LRSAM1: variants seen among roughly 807,000 people sequenced by gnomAD.
The protein encoded by LRSAM1 is E3 ubiquitin-protein ligase LRSAM1.
Under a neutral mutation model 118.1 loss-of-function variants are expected in LRSAM1, and 96 were observed. The observed-to-expected ratio is 0.81, with a 90% confidence interval of 0.69 to 0.96. The LOEUF (loss-of-function observed/expected upper bound fraction) is 0.96, where lower values mean the gene tolerates loss of function less well. Among genes scored for constraint, LRSAM1 ranks in the 40% least tolerant of loss-of-function variants. LRSAM1 has a pLI of 0.00. For missense variants in LRSAM1, 804 were observed against 915.5 expected (o/e 0.88, Z 1.57); for synonymous variants, 322 against 364.2 (o/e 0.88, Z 1.32).
At chr9:127,455,537 C>A in intron 4 of LRSAM1, 39 bp from the exon 5 acceptor site, 1 of 1,607,730 alleles carries the variant, frequency 6.2e-7, no homozygotes, top group Non-Finnish European at 8.5e-7. Context: ...TAAAAACTGG[C>A]AGGAGGGGAG....
intron 17 of LRSAM1, chr9:127,486,644 A>C (rs1835743622): frequency 6.6e-6 from 1 of 152,328 alleles, no homozygotes; most frequent in Admixed American, 6.5e-5. Flanking sequence ...GCAGGGGTCA[A>C]ACAGACCTGG....
chr9:127,484,952 C>G (rs924229186), intron 16 of LRSAM1, among the ~76,000 whole-genome samples: 1 of 151,760 alleles, frequency 6.6e-6, no homozygotes, highest in Non-Finnish European at 1.5e-5. Context: ...GGATTACAGG[C>G]ACCTGCCACC....
In LRSAM1 at chr9:127,501,101, G is replaced by A. The variant is rs1259749537; in HGVS notation, c.2004G>A (p.Leu668=). 6.2e-7 allele frequency: 1 copy of A among 1,613,880 alleles called. No individual in the cohort carries two copies. ...SVRPSAPPAE[L]EVQASECVVC... ...GGCCATCCGCTCCCCCTGCAGAGCT[G>A]GAGGTGCAGGCCTCAGAGTGTGTCG... Residue 668 remains leucine, a synonymous_variant, in exon 25 of 26, where the codon CTG becomes CTA. Transcript: ENST00000300417.
Position 127,455,631 on chromosome 9 carries a change from G to C in LRSAM1, c.174+11G>C. The C allele has an allele frequency of 1.2e-6, 2 of 1,613,650 alleles. No individual in the cohort carries two copies. ...GTTCTGCAGAAGAAGGTAAGATGGAGCTTCATCTTCAGAGACTTTCTTGTT... is the reference window on the plus strand; with the variant it reads ...GTTCTGCAGAAGAAGGTAAGATGGACCTTCATCTTCAGAGACTTTCTTGTT... On this transcript the variant is annotated intron_variant, in intron 5 of 25. Transcript: ENST00000300417.
chr9:127,500,051 C>T (rs1050092674), intron 24 of LRSAM1, among the ~76,000 whole-genome samples: 1 of 151,674 alleles, frequency 6.6e-6, no homozygotes, highest in Non-Finnish European at 1.5e-5. Context: ...GGGTGGCTCA[C>T]GTTGCATGAT....
chr9:127,490,745 G>C (rs1394689528), intron 19 of LRSAM1, among the ~76,000 whole-genome samples: 1 of 152,196 alleles, frequency 6.6e-6, no homozygotes, highest in Non-Finnish European at 1.5e-5. Flanking sequence ...CATAGTAGGT[G>C]CTCAAGACAT....
intron 21 of LRSAM1, among the ~76,000 whole-genome samples, chr9:127,494,414 G>A (rs528068464): frequency 2.0e-5 from 3 of 152,214 alleles, no homozygotes; most frequent in Non-Finnish European, 4.4e-5. Flanking sequence ...CCCTGGGCAG[G>A]TTACTCATCA....
intron 16 of LRSAM1, among the ~76,000 whole-genome samples, chr9:127,485,449 C>T (rs185845333): frequency 2.5e-4 from 38 of 152,046 alleles, no homozygotes; most frequent in Non-Finnish European, 4.4e-4. Flanking sequence ...CCCAGCTACT[C>T]GGGAGGCTGA....
chr9:127,484,256 T>C (rs1264976172), intron 16 of LRSAM1, among the ~76,000 whole-genome samples: 2 of 135,210 alleles, frequency 1.5e-5, no homozygotes, highest in East Asian at 4.0e-4. Context: ...TGTTTGAATT[T>C]CTTTCCCTTT....
chr9:127,498,032 G>A (rs1836224301), intron 24 of LRSAM1, among the ~76,000 whole-genome samples: 1 of 152,234 alleles, frequency 6.6e-6, no homozygotes, highest in African/African-American at 2.4e-5. Context: ...TGGGGAAGAG[G>A]TGAGGGGCCA....
At chr9:127,500,236 C>G (rs1027445383) in intron 24 of LRSAM1, among the ~76,000 whole-genome samples, 4 of 151,392 alleles carry the variant, frequency 2.6e-5, no homozygotes, top group Non-Finnish European at 5.9e-5. Context: ...TAGTGGGCAC[C>G]TGTAATCCCA....
intron 23 of LRSAM1, 93 bp from the exon 24 acceptor site, chr9:127,497,160 C>T (rs935571011): frequency 1.8e-5 from 23 of 1,296,396 alleles, no homozygotes; most frequent in African/African-American, 1.5e-4. Flanking sequence ...GAGGTGTCGA[C>T]GGTCCTGTGA....
At chr9:127,464,230 G>A (rs995256728) in intron 9 of LRSAM1, among the ~76,000 whole-genome samples, 4 of 152,222 alleles carry the variant, frequency 2.6e-5, no homozygotes, top group South Asian at 4.1e-4. Context: ...AGAAAGGGCC[G>A]GCTGGGGAGA....
intron 6 of LRSAM1, among the ~76,000 whole-genome samples, chr9:127,457,888 G>T (rs1371827971): frequency 1.3e-5 from 2 of 152,076 alleles, no homozygotes; most frequent in Non-Finnish European, 2.9e-5. Flanking sequence ...AGCAGCACAG[G>T]CCCAATCTGT....
intron 23 of LRSAM1, 94 bp from the exon 24 acceptor site, chr9:127,497,159 A>C (rs928239751): frequency 7.7e-7 from 1 of 1,291,484 alleles, no homozygotes; most frequent in Non-Finnish European, 1.1e-6. Flanking sequence ...GGAGGTGTCG[A>C]CGGTCCTGTG....
intron 9 of LRSAM1, 39 bp from the exon 10 acceptor site, chr9:127,467,701 G>A: frequency 1.3e-6 from 2 of 1,570,830 alleles, no homozygotes; most frequent in African/African-American, 2.7e-5. Flanking sequence ...CGGTTGCGTT[G>A]GTAGCGAACA....
chr9:127,470,185 A>G (rs926630251), intron 10 of LRSAM1, among the ~76,000 whole-genome samples: 2 of 152,040 alleles, frequency 1.3e-5, no homozygotes, highest in South Asian at 4.1e-4. Context: ...TCACACCGCT[A>G]TGAAGAAATT....
chr9:127,459,644 T>G (rs935781390), intron 7 of LRSAM1, among the ~76,000 whole-genome samples: 4 of 151,906 alleles, frequency 2.6e-5, no homozygotes, highest in African/African-American at 9.7e-5. Flanking sequence ...CTGCAACATC[T>G]GCCTCCCGGG....
At chr9:127,489,379 G>A (rs1835845022) in intron 18 of LRSAM1, 65 bp from the exon 19 acceptor site, 2 of 1,551,250 alleles carry the variant, frequency 1.3e-6, no homozygotes, top group Non-Finnish European at 8.7e-7. Context: ...GCTTTTCACA[G>A]GGATGGGGCT....
Sources: allele counts gnomAD v4.1 joint callset (sites outside exome capture counted in the v4.1 genomes callset), GRCh38; gene constraint gnomAD v4.1.1; transcripts MANE v1.5; gene names NCBI Gene and HGNC (gene_info 2026-07-23, HGNC 2026-07-21).